The following ACBD3 variants were observed in gnomAD, a reference collection of about 807,000 sequenced individuals.
The protein encoded by ACBD3 is acyl-CoA binding domain containing 3.
ACBD3 carries 30 observed loss-of-function variants against 66.9 expected under a neutral mutation model. The ratio of observed to expected loss-of-function variants is 0.45; its 90% CI spans 0.34 to 0.61. The LOEUF (loss-of-function observed/expected upper bound fraction) is 0.61, where lower values mean the gene tolerates loss of function less well. ACBD3 is among the 20% of genes least tolerant of loss of function. The pLI is 0.02. For missense variants in ACBD3, 544 were observed against 664.5 expected (o/e 0.82, Z 1.99); for synonymous variants, 278 against 259.8 (o/e 1.07, Z -0.68).
chr1:226,165,810 T>A, intron 2 of ACBD3, 49 bp downstream of exon 2: 1 of 1,579,074 alleles, frequency 6.3e-7, no homozygotes, highest in Non-Finnish European at 8.6e-7. Flanking sequence ...ATTGTACCCT[T>A]TGCCAACATT....
intron 1 of ACBD3, among the ~76,000 whole-genome samples, chr1:226,166,751 T>C (rs1328229432): frequency 6.6e-6 from 1 of 152,154 alleles, no homozygotes; most frequent in Non-Finnish European, 1.5e-5. Context: ...TATCCCAAAG[T>C]GCTGGCATTA....
At chr1:226,155,864 G>A (rs1014760700) in intron 5 of ACBD3, among the ~76,000 whole-genome samples, 2 of 152,176 alleles carry the variant, frequency 1.3e-5, no homozygotes, top group Admixed American at 1.3e-4. Context: ...AGTTATGATT[G>A]AAATGTGTAT....
At chr1:226,170,355 T>TTC (rs1659969774) in intron 1 of ACBD3, among the ~76,000 whole-genome samples, 1 of 149,270 alleles carries the variant, frequency 6.7e-6, no homozygotes, top group East Asian at 2.0e-4. Context: ...TTTTTTTTTT[T>TTC]AGTAGAGACG....
chr1:226,161,030 G>C (rs1267993164), intron 4 of ACBD3, among the ~76,000 whole-genome samples: 2 of 152,164 alleles, frequency 1.3e-5, no homozygotes, highest in East Asian at 3.8e-4. Flanking sequence ...GGATGAAGCA[G>C]AGACATAAGC....
intron 5 of ACBD3, among the ~76,000 whole-genome samples, chr1:226,157,050 G>A (rs77855823): frequency 1.3e-5 from 2 of 151,670 alleles, no homozygotes; most frequent in African/African-American, 2.4e-5. Context: ...TAAAAGCAAC[G>A]TATCAAACAC....
At chr1:226,147,865 T>C (rs757491356) in intron 7 of ACBD3, 1 of 152,194 alleles carries the variant, frequency 6.6e-6, no homozygotes, top group Non-Finnish European at 1.5e-5. Context: ...ACATATTTAA[T>C]ACAAACCAGC....
intron 1 of ACBD3, among the ~76,000 whole-genome samples, chr1:226,166,806 A>T (rs1040766881): frequency 2.6e-5 from 4 of 151,672 alleles, no homozygotes; most frequent in Non-Finnish European, 5.9e-5. Context: ...TTGTAAAAAT[A>T]AGCCAACTAT....
intron 7 of ACBD3, among the ~76,000 whole-genome samples, chr1:226,150,852 T>A (rs1659559642): frequency 6.6e-6 from 1 of 152,244 alleles, no homozygotes; most frequent in African/African-American, 2.4e-5. Flanking sequence ...TGTGGTATAA[T>A]GAAGGATTTT....
At chr1:226,170,333 A>ATTTT (rs71574563) in intron 1 of ACBD3, among the ~76,000 whole-genome samples, 17,847 of 109,600 alleles carry the variant, frequency 0.16, 1,987 homozygotes, top group Admixed American at 0.24. Flanking sequence ...AATTTTTTGA[A>ATTTT]TTTTTTTTTT....
intron 3 of ACBD3, among the ~76,000 whole-genome samples, chr1:226,163,047 C>T (rs895998987): frequency 2.7e-4 from 41 of 152,014 alleles, no homozygotes; most frequent in African/African-American, 6.0e-4. Context: ...GTGATCTGCC[C>T]GCCTCGTTCT....
At chr1:226,158,723 G>T (rs1402779289) in intron 5 of ACBD3, among the ~76,000 whole-genome samples, 2 of 152,224 alleles carry the variant, frequency 1.3e-5, no homozygotes, top group Admixed American at 1.3e-4. Flanking sequence ...TATGAGCACT[G>T]CCTAACTATG....
At chr1:226,166,553 A>T (rs11590162) in intron 1 of ACBD3, among the ~76,000 whole-genome samples, 1 of 149,270 alleles carries the variant, frequency 6.7e-6, no homozygotes, top group Admixed American at 6.8e-5. Context: ...TGGCACAATC[A>T]CAGCTCACTG....
At chr1:226,174,808 A>G (rs2102787965) in intron 1 of ACBD3, among the ~76,000 whole-genome samples, 1 of 151,406 alleles carries the variant, frequency 6.6e-6, no homozygotes, top group East Asian at 2.0e-4. Context: ...GCTAGAAAAC[A>G]ATGAATGGGA....
intron 7 of ACBD3, among the ~76,000 whole-genome samples, chr1:226,150,206 A>G (rs1162040838): frequency 1.3e-5 from 2 of 151,294 alleles, no homozygotes; most frequent in Non-Finnish European, 2.9e-5. Flanking sequence ...CTACAGGTAC[A>G]TGCCACCACA....
chr1:226,147,178 C>G (rs1019799803), intron 7 of ACBD3, among the ~76,000 whole-genome samples: 1 of 152,238 alleles, frequency 6.6e-6, no homozygotes, highest in Non-Finnish European at 1.5e-5. Context: ...GCGTGAGCCA[C>G]CGTGCCCAGC....
rs1301221284 is a variant in ACBD3 at position 226,154,847 on chromosome 1, G to C, written c.904-14C>G. 1.3e-6 allele frequency: 2 copies of C among 1,592,854 alleles called. No individual in the cohort carries two copies. The highest frequency in any genetic ancestry group is 2.7e-5 in the African/African-American group (2 of 74,292). Reference sequence around the variant, plus strand: ...CTGTAATGCTGCCTACAAACCAAGAGAAAGTGAAGACACACTGACCAGGAA... The same window carrying C: ...CTGTAATGCTGCCTACAAACCAAGACAAAGTGAAGACACACTGACCAGGAA... On this transcript the variant is annotated splice_polypyrimidine_tract_variant and intron_variant, in intron 5 of 7. Coordinates refer to ENST00000366812, the MANE Select transcript of ACBD3 (RefSeq NM_022735.4).
intron 3 of ACBD3, among the ~76,000 whole-genome samples, chr1:226,163,450 T>TA (rs1465115608): frequency 6.6e-6 from 1 of 152,168 alleles, no homozygotes; most frequent in African/African-American, 2.4e-5. Flanking sequence ...ATTTTCCAGT[T>TA]AAAGAAATCT....
rs1447405518 is a variant in ACBD3 at position 226,186,406 on chromosome 1, T to C, written c.270A>G (p.Ala90=). The change falls in exon 1 of 8, where the codon GCA becomes GCG. Residue 90 remains alanine, a synonymous_variant. Transcript: ENST00000366812. ...CCGGCTCACCTTTGAAGAAGCGCAG[T>C]GCCAGGCCGTACAACTCCTCCAGGC... ...GFGLEELYGL[A]LRFFKEKDGK... 8 of 1,523,026 alleles carry C rather than the reference T, an allele frequency of 5.3e-6. No homozygotes were observed. In the Admixed American group the frequency reaches 1.6e-4, roughly 31 times the overall value. 94.3% of individuals were successfully genotyped at this position (1,523,026 alleles called of 1,614,324 possible).
chr1:226,167,259 G>GTATA (rs1285735364), intron 1 of ACBD3, among the ~76,000 whole-genome samples: 1 of 152,206 alleles, frequency 6.6e-6, no homozygotes, highest in Non-Finnish European at 1.5e-5. Context: ...CACTAAGGTA[G>GTATA]TATAATGTGG....
Sources: gnomAD v4.1 joint callset for allele counts (sites outside exome capture counted in the v4.1 genomes callset) on GRCh38, gnomAD v4.1.1 for gene constraint, MANE v1.5 for transcripts, NCBI Gene and HGNC (gene_info 2026-07-23, HGNC 2026-07-21) for gene names.